The following CPXM2 variants were observed in gnomAD, a reference collection of about 807,000 sequenced individuals.
CPXM2 encodes inactive carboxypeptidase-like protein X2.
A neutral mutation model predicts 86.1 loss-of-function variants in CPXM2; 66 were observed. The ratio of observed to expected loss-of-function variants is 0.77; its 90% CI spans 0.63 to 0.94. CPXM2 has a LOEUF of 0.94. Ranked by LOEUF, CPXM2 falls within the 40% of genes least tolerant of loss-of-function variation. The probability of loss-of-function intolerance (pLI) is 0.00; values close to 1 mark genes in which losing one functional copy is unlikely to be tolerated. For synonymous variants in CPXM2, 388 were observed against 400.2 expected (o/e 0.97, Z 0.36); for missense variants, 948 against 1,026.3 (o/e 0.92, Z 1.04).
intron 1 of CPXM2, among the ~76,000 whole-genome samples, chr10:123,881,777 C>A (rs1386676976): frequency 6.6e-6 from 1 of 152,118 alleles, no homozygotes; most frequent in Non-Finnish European, 1.5e-5. Context: ...GCAGCCACAC[C>A]GCAGGTCTGC....
chr10:123,914,709 G>A lies in CPXM2; in HGVS notation n.174+24768C>T, dbSNP rs867573724. Among the ~76,000 whole-genome samples the A allele has an allele frequency of 8.5e-5, 13 of 152,200 alleles. No homozygotes were observed. The South Asian group carries it at 1.0e-3, about 12-fold the overall frequency. On this transcript the variant is annotated intron_variant and non_coding_transcript_variant, in intron 2 of 19. Transcript: ENST00000368854. ...CCATCTCGTAGATTCAGCTTCCAAC[G>A]TATACCATGTATCTGTTTTCTTCCC...
intron 10 of CPXM2, among the ~76,000 whole-genome samples, chr10:123,765,853 C>T (rs1039077297): frequency 1.3e-5 from 2 of 152,234 alleles, no homozygotes; most frequent in Non-Finnish European, 1.5e-5. Flanking sequence ...GGGGCTGGAA[C>T]GCCAAGGGAG....
At chr10:123,931,489 T>C (rs1431474187) in intron 2 of CPXM2, 1 of 152,234 alleles carries the variant, frequency 6.6e-6, no homozygotes, top group Non-Finnish European at 1.5e-5. Context: ...AGCCCATAAC[T>C]TGTTCTGTGA....
chr10:123,794,775 G>GTGTGCA (rs1564772798), intron 6 of CPXM2, among the ~76,000 whole-genome samples: 3 of 151,150 alleles, frequency 2.0e-5, no homozygotes, highest in African/African-American at 7.3e-5. Flanking sequence ...GTGTGCGCAT[G>GTGTGCA]TGTGTGTGTA....
intron 10 of CPXM2, 139 bp downstream of exon 10, chr10:123,766,834 A>G: frequency 3.0e-6 from 2 of 658,598 alleles, no homozygotes; most frequent in Non-Finnish European, 5.3e-6. Flanking sequence ...ATTATCTAGC[A>G]TACTTCTCTG....
intron 2 of CPXM2, among the ~76,000 whole-genome samples, chr10:123,910,366 C>T (rs1945478576): frequency 6.6e-6 from 1 of 152,126 alleles, no homozygotes; most frequent in Admixed American, 6.5e-5. Flanking sequence ...AGATCATGAC[C>T]TCCACCCGGA....
intron 4 of CPXM2, among the ~76,000 whole-genome samples, chr10:123,810,690 G>C (rs1847671223): frequency 6.6e-6 from 1 of 152,048 alleles, no homozygotes; most frequent in Non-Finnish European, 1.5e-5. Flanking sequence ...CATTTTAAAA[G>C]ACATACATAA....
upstream of CPXM2, among the ~76,000 whole-genome samples, chr10:123,895,525 AAC>A (rs1369795451): frequency 5.3e-5 from 8 of 152,250 alleles, no homozygotes; most frequent in East Asian, 7.7e-4. Flanking sequence ...GAATATAAGA[AAC>A]ACAGAAAATT....
chr10:123,859,366 C>A (rs1212644619), intron 3 of CPXM2, among the ~76,000 whole-genome samples: 1 of 152,272 alleles, frequency 6.6e-6, no homozygotes. Context: ...GCATGTGGCA[C>A]TGGCTCTGGA....
intron 2 of CPXM2, among the ~76,000 whole-genome samples, chr10:123,923,344 G>A (rs1318752465): frequency 6.6e-6 from 1 of 152,050 alleles, no homozygotes; most frequent in Non-Finnish European, 1.5e-5. Context: ...ACTTTGGGAG[G>A]CCGAGGCGGG....
rs1012394254 is a variant in CPXM2, at chr10:123,746,476, C to T, written c.*288G>A. On this transcript the variant is annotated 3_prime_UTR_variant, in exon 14 of 14. Transcript: ENST00000241305. Reference sequence around the variant, plus strand: ...AGAGGCTCTGAACGGACAGGCTCCCCTCCTTCTCCTTCTCTCTCTGATTCC... The same window carrying T: ...AGAGGCTCTGAACGGACAGGCTCCCTTCCTTCTCCTTCTCTCTCTGATTCC... 11 of 462,078 alleles carry T rather than the reference C, an allele frequency of 2.4e-5. No homozygotes were observed. The highest frequency in any genetic ancestry group is 2.2e-4 in the African/African-American group (11 of 50,814). 28.6% of individuals were successfully genotyped at this position (462,078 alleles called of 1,614,324 possible). A position where few individuals can be genotyped will look rare whatever the true frequency, so the allele number is the denominator to read the frequency against.
At chr10:123,750,378 A>T (rs141161470) in intron 13 of CPXM2, 1 of 972,646 alleles carries the variant, frequency 1.0e-6, no homozygotes, top group Non-Finnish European at 1.2e-6. Context: ...CCAGCCACAC[A>T]AGTCTTCCTT....
At chr10:123,882,650 G>C (rs1436118287) in intron 1 of CPXM2, among the ~76,000 whole-genome samples, 6 of 152,254 alleles carry the variant, frequency 3.9e-5, no homozygotes, top group Non-Finnish European at 8.8e-5. Flanking sequence ...CCTTCCTTCA[G>C]CCAGGGCCGC....
chr10:123,768,289 G>T (rs377672893), intron 9 of CPXM2, among the ~76,000 whole-genome samples: 2 of 152,004 alleles, frequency 1.3e-5, no homozygotes, highest in Non-Finnish European at 2.9e-5. Context: ...GAGGCAAATC[G>T]CTTGAATCCA....
At chr10:123,942,292 G>A (rs1025808869), upstream of CPXM2, among the ~76,000 whole-genome samples, 1 of 152,134 alleles carries the variant, frequency 6.6e-6, no homozygotes, top group Admixed American at 6.5e-5. Flanking sequence ...TAAACCGAGG[G>A]TAAAATGACC....
chr10:123,942,513 A>C (rs988411507), upstream of CPXM2, among the ~76,000 whole-genome samples: 1 of 152,192 alleles, frequency 6.6e-6, no homozygotes, highest in Non-Finnish European at 1.5e-5. Flanking sequence ...TTCGCATGCT[A>C]AAAGACACTC....
intron 6 of CPXM2, among the ~76,000 whole-genome samples, chr10:123,780,597 A>G: frequency 6.6e-6 from 1 of 152,224 alleles, no homozygotes; most frequent in East Asian, 1.9e-4. Context: ...TATTTTTAGC[A>G]TAAATGGGAC....
At chr10:123,832,909 A>G (rs1048077474) in intron 4 of CPXM2, among the ~76,000 whole-genome samples, 1 of 151,814 alleles carries the variant, frequency 6.6e-6, no homozygotes. Context: ...GGGTGAAGCG[A>G]GCACCTGAGC....
chr10:123,927,563 A>C (rs886674329), intron 2 of CPXM2, among the ~76,000 whole-genome samples: 1 of 152,146 alleles, frequency 6.6e-6, no homozygotes, highest in African/African-American at 2.4e-5. Flanking sequence ...CACACAGCAA[A>C]TGAATGGCAG....
Sources: gnomAD v4.1 joint callset for allele counts (sites outside exome capture counted in the v4.1 genomes callset) on GRCh38, gnomAD v4.1.1 for gene constraint, MANE v1.5 for transcripts, NCBI Gene and HGNC (gene_info 2026-07-23, HGNC 2026-07-21) for gene names.